RBFOX3: variants seen among roughly 807,000 people sequenced by gnomAD.
The protein encoded by RBFOX3 is RNA binding fox-1 homolog 3.
A neutral mutation model predicts 48.7 loss-of-function variants in RBFOX3; 17 were observed. The observed-to-expected ratio is 0.35, with a 90% CI of 0.24 to 0.52. The LOEUF (loss-of-function observed/expected upper bound fraction) is 0.52, where lower values mean the gene tolerates loss of function less well. Ranked by LOEUF, RBFOX3 falls within the 20% of genes least tolerant of loss-of-function variation. RBFOX3 has a pLI of 0.94. For synonymous variants in RBFOX3, 212 were observed against 209.5 expected (o/e 1.01, Z -0.10); for missense variants, 382 against 497.5 (o/e 0.77, Z 2.21).
chr17:79,481,910 C>T lies in RBFOX3; in HGVS notation c.-175+544G>A, dbSNP rs1315914153. 1.3e-5 allele frequency among the ~76,000 whole-genome samples: 2 copies of T among 152,162 alleles called. No individual in the cohort carries two copies. The highest frequency in any genetic ancestry group is 2.4e-5 in the African/African-American group (1 of 41,446). On this transcript the variant is annotated intron_variant, in intron 2 of 14. Coordinates refer to ENST00000693108, the MANE Select transcript of RBFOX3 (RefSeq NM_001350451.2). This position sits in a 1 kb window ranked among gnomAD's most constrained non-coding sequence, Gnocchi z 5.4. ...TGCATTCGAAGTGAGAGCCATCTTACAGAGCACTTGGCCCAAACCCTGTGG... is the reference window on the plus strand; with the variant it reads ...TGCATTCGAAGTGAGAGCCATCTTATAGAGCACTTGGCCCAAACCCTGTGG...
At chr17:79,334,318 C>A (rs946948679) in intron 2 of RBFOX3, among the ~76,000 whole-genome samples, 1 of 152,146 alleles carries the variant, frequency 6.6e-6, no homozygotes, top group Non-Finnish European at 1.5e-5. Context: ...ACAGTGGCAT[C>A]GCCAGCTGCA....
At chr17:79,397,680 C>T (rs577284842) in intron 2 of RBFOX3, among the ~76,000 whole-genome samples, 20 of 151,120 alleles carry the variant, frequency 1.3e-4, no homozygotes, top group Admixed American at 9.2e-4. Flanking sequence ...TTTTCCTTTA[C>T]GACATGGTCC....
chr17:79,489,619 G>A (rs1362162962), intron 1 of RBFOX3, among the ~76,000 whole-genome samples: 4 of 152,144 alleles, frequency 2.6e-5, no homozygotes, highest in Non-Finnish European at 5.9e-5. Context: ...TTAAAACCAT[G>A]GAATTCTCCA....
At chr17:79,652,809 T>C in the RBFOX3 span, among the ~76,000 whole-genome samples, 1 of 151,184 alleles carries the variant, frequency 6.6e-6, no homozygotes, top group Admixed American at 6.6e-5. Flanking sequence ...ATCAAAGAAA[T>C]AATACCATAA....
At chr17:79,196,906 G>T (rs2055705457) in intron 4 of RBFOX3, among the ~76,000 whole-genome samples, 1 of 152,162 alleles carries the variant, frequency 6.6e-6, no homozygotes, top group Non-Finnish European at 1.5e-5. Context: ...TGTGGTGAGG[G>T]GTGTGCCGTG....
chr17:79,106,140 G>A (rs2077318703), intron 6 of RBFOX3, among the ~76,000 whole-genome samples: 1 of 152,142 alleles, frequency 6.6e-6, no homozygotes, highest in Non-Finnish European at 1.5e-5. Context: ...GGGGCCCGGG[G>A]GACACAGGCC....
At chr17:79,277,504 T>G (rs2069182355) in intron 3 of RBFOX3, among the ~76,000 whole-genome samples, 1 of 152,168 alleles carries the variant, frequency 6.6e-6, no homozygotes, top group Non-Finnish European at 1.5e-5. Flanking sequence ...CATACTCAGT[T>G]CCCCGAAACA....
chr17:79,439,190 C>T (rs546646982), intron 2 of RBFOX3, among the ~76,000 whole-genome samples: 1 of 152,302 alleles, frequency 6.6e-6, no homozygotes, highest in African/African-American at 2.4e-5. Context: ...CCGTAAATCC[C>T]AGCTCTGATG....
intron 2 of RBFOX3, among the ~76,000 whole-genome samples, chr17:79,322,813 C>G (rs1568039890): frequency 6.6e-6 from 1 of 152,210 alleles, no homozygotes; most frequent in Non-Finnish European, 1.5e-5. Flanking sequence ...GTTCAGTGAG[C>G]TGACCGGCAG....
chr17:79,553,630 A>G (rs1486926666), intron 1 of RBFOX3, among the ~76,000 whole-genome samples: 3 of 152,202 alleles, frequency 2.0e-5, no homozygotes, highest in Non-Finnish European at 2.9e-5. Flanking sequence ...GAAACTTTCT[A>G]TCTTCCATAC....
chr17:79,434,086 C>A (rs1568242470), intron 2 of RBFOX3, among the ~76,000 whole-genome samples: 1 of 152,084 alleles, frequency 6.6e-6, no homozygotes, highest in African/African-American at 2.4e-5. Flanking sequence ...AAACAGTGAA[C>A]CCCCCAACGG....
At chr17:79,142,187 T>C (rs1163130553) in intron 4 of RBFOX3, among the ~76,000 whole-genome samples, 1 of 152,146 alleles carries the variant, frequency 6.6e-6, no homozygotes, top group South Asian at 2.1e-4. Flanking sequence ...CCGTGACACT[T>C]TCATTTCACA....
At chr17:79,576,255 A>G (rs1198045064) in intron 1 of RBFOX3, among the ~76,000 whole-genome samples, 4 of 152,362 alleles carry the variant, frequency 2.6e-5, no homozygotes, top group African/African-American at 9.6e-5. Flanking sequence ...TCATGTGAAC[A>G]AATTCCTTAA....
chr17:79,476,811 TG>T (rs2077837167), intron 2 of RBFOX3, among the ~76,000 whole-genome samples: 1 of 138,930 alleles, frequency 7.2e-6, no homozygotes, highest in African/African-American at 2.7e-5. Flanking sequence ...CTCAGTGGGG[TG>T]GCGGGGACAG....
At chr17:79,407,664 G>A (rs2148519870) in intron 2 of RBFOX3, among the ~76,000 whole-genome samples, 1 of 152,316 alleles carries the variant, frequency 6.6e-6, no homozygotes, top group African/African-American at 2.4e-5. Flanking sequence ...CTCAGGATTG[G>A]GGGACAAGGC....
intron 11 of RBFOX3, 37 bp downstream of exon 11, chr17:79,097,255 C>T (rs905802306): frequency 5.3e-5 from 78 of 1,476,748 alleles, no homozygotes; most frequent in Non-Finnish European, 6.4e-5. Context: ...CGCCGTCCTA[C>T]CCCCTCCTCC....
Position 79,220,758 on chromosome 17 carries a change from G to A in RBFOX3, c.-34+15008C>T, listed in dbSNP as rs769776191. Reference sequence around the variant, plus strand: ...AGATGAGATTTGGAAGGGCCAGAGAGGTGACACTGCCTGGAGACCCCAGCC... The same window carrying A: ...AGATGAGATTTGGAAGGGCCAGAGAAGTGACACTGCCTGGAGACCCCAGCC... On this transcript the variant is annotated intron_variant, in intron 4 of 14. Coordinates refer to ENST00000693108, the MANE Select transcript of RBFOX3 (RefSeq NM_001350451.2). The surrounding 1 kb of genome is among the most constrained non-coding windows in gnomAD (Gnocchi z 5.9). Among the ~76,000 whole-genome samples, 5 of 152,288 alleles carry A rather than the reference G, an allele frequency of 3.3e-5. No individual in the cohort carries two copies. Among genetic ancestry groups the A allele is most frequent in the African/African-American group, 9.6e-5 (4 of 41,566 alleles).
chr17:79,457,441 T>G (rs1555745748), intron 2 of RBFOX3, among the ~76,000 whole-genome samples: 2 of 152,110 alleles, frequency 1.3e-5, no homozygotes, highest in African/African-American at 4.8e-5. Flanking sequence ...CTTCCAGAGA[T>G]CTGTGAAATC....
At chr17:79,406,464 C>A (rs2063548843) in intron 2 of RBFOX3, among the ~76,000 whole-genome samples, 1 of 152,220 alleles carries the variant, frequency 6.6e-6, no homozygotes, top group African/African-American at 2.4e-5. Context: ...ACCTGCTTCT[C>A]CCTGGGCTGG....
Sources: allele counts gnomAD v4.1 joint callset (sites outside exome capture counted in the v4.1 genomes callset), GRCh38; gene constraint gnomAD v4.1.1; non-coding constraint Gnocchi (gnomAD v3.1); transcripts MANE v1.5; gene names NCBI Gene and HGNC (gene_info 2026-07-23, HGNC 2026-07-21).